The following KDM4D variants were observed in gnomAD, a reference collection of about 807,000 sequenced individuals.
The protein encoded by KDM4D is lysine-specific demethylase 4D.
For missense variants in KDM4D, 427 were observed against 674.8 expected (o/e 0.63, Z 4.07); for synonymous variants, 254 against 249.1 (o/e 1.02, Z -0.19).
chr11:94,995,956 G>T (rs1857972457), intron 2 of KDM4D, among the ~76,000 whole-genome samples: 1 of 152,042 alleles, frequency 6.6e-6, no homozygotes, highest in South Asian at 2.1e-4. Flanking sequence ...TTCCTGTCAT[G>T]CTAGATTGGT....
rs1857988039 is a variant in KDM4D at position 94,997,824 on chromosome 11, A to G, written c.452A>G (p.Gln151Arg). 6.2e-7 allele frequency: 1 copy of G among 1,614,144 alleles called. No homozygotes were observed. Among genetic ancestry groups the G allele is most frequent in the African/African-American group, 1.3e-5 (1 of 74,948 alleles). Reference protein sequence around the residue: ...SGSLFDENTKQWNLGHLGTIQ... With the variant: ...SGSLFDENTKRWNLGHLGTIQ... ...TCCTTGTTTGATGAAAACACTAAAC[A>G]ATGGAATCTTGGGCACCTGGGAACA... is the stretch of plus-strand genomic sequence containing the variant. The change falls in exon 3 of 3, where the codon CAA becomes CGA. Residue 151 changes from glutamine to arginine, a missense_variant. Transcript: ENST00000335080.
At chr11:94,995,354 CTAAA>C (rs1404596694) in intron 2 of KDM4D, among the ~76,000 whole-genome samples, 4 of 152,088 alleles carry the variant, frequency 2.6e-5, no homozygotes, top group African/African-American at 4.8e-5. Flanking sequence ...AGGGGTCTGT[CTAAA>C]TGAAGTGCTA....
chr11:94,993,782 CATG>C (rs1857955766), intron 2 of KDM4D, among the ~76,000 whole-genome samples: 1 of 152,062 alleles, frequency 6.6e-6, no homozygotes, highest in African/African-American at 2.4e-5. Context: ...AGACCCTCAG[CATG>C]ATATTTAAGT....
At chr11:94,978,475 C>T (rs1394180878) in intron 2 of KDM4D, among the ~76,000 whole-genome samples, 1 of 152,112 alleles carries the variant, frequency 6.6e-6, no homozygotes, top group Non-Finnish European at 1.5e-5. Context: ...TAGCCCTCTA[C>T]CAACAAAATC....
chr11:94,981,824 T>C (rs1456569933), intron 2 of KDM4D, among the ~76,000 whole-genome samples: 2 of 151,712 alleles, frequency 1.3e-5, no homozygotes, highest in African/African-American at 2.4e-5. Context: ...TATTGGCTTT[T>C]TATTTCATCA....
rs587636671 is a variant in KDM4D at position 94,998,710 on chromosome 11, G to A, written c.1338G>A (p.Pro446=). ...GTCCATCTGCACAGATTATCCACCC[G>A]TCAAATGGCAGACGTGGTCGTGGTC... ...TPGPSAQIIH[P]SNGRRGRGRP... is the part of the protein sequence containing the mutation. The change falls in exon 3 of 3, where the codon CCG becomes CCA. Residue 446 remains proline, a synonymous_variant. Coordinates refer to ENST00000335080, the MANE Select transcript of KDM4D (RefSeq NM_018039.3). The surrounding 1 kb of genome is among the most constrained non-coding windows in gnomAD (Gnocchi z 6.7). 55 of 1,614,168 alleles carry A rather than the reference G, an allele frequency of 3.4e-5. 1 individual carries two copies. In the Middle Eastern group the frequency reaches 2.5e-3, roughly 73 times the overall value.
At position 94,998,689 on chromosome 11, in the gene KDM4D, A is replaced by C; in HGVS notation, c.1317A>C (p.Pro439=). 6.2e-7 allele frequency: 1 copy of C among 1,614,178 alleles called. No homozygotes were observed. The highest frequency in any genetic ancestry group is 8.5e-7 in the Non-Finnish European group (1 of 1,180,030). The change falls in exon 3 of 3, where the codon CCA becomes CCC. Residue 439 remains proline (P), a synonymous_variant. Coordinates refer to ENST00000335080, the MANE Select transcript of KDM4D (RefSeq NM_018039.3). The surrounding 1 kb of genome is among the most constrained non-coding windows in gnomAD (Gnocchi z 6.7). ...PSSTPSSTPG[P]SAQIIHPSNG... ...CAACTCCATCATCCACCCCTGGTCC[A>C]TCTGCACAGATTATCCACCCGTCAA...
At chr11:94,981,473 C>G (rs781978152) in intron 2 of KDM4D, among the ~76,000 whole-genome samples, 16 of 151,676 alleles carry the variant, frequency 1.1e-4, no homozygotes, top group Admixed American at 1.0e-3. Flanking sequence ...ATCTGGGCCT[C>G]GAGTATATTT....
At chr11:94,992,897 T>G (rs1857947124) in intron 2 of KDM4D, among the ~76,000 whole-genome samples, 1 of 152,174 alleles carries the variant, frequency 6.6e-6, no homozygotes, top group Admixed American at 6.5e-5. Flanking sequence ...AAGTAGTAGA[T>G]TTTCTAACTG....
At chr11:94,977,190 GTAAAC>G (rs1555097079) in intron 2 of KDM4D, among the ~76,000 whole-genome samples, 1 of 152,076 alleles carries the variant, frequency 6.6e-6, no homozygotes, top group African/African-American at 2.4e-5. Flanking sequence ...GAAAATGAAA[GTAAAC>G]TAAAAATGGA....
intron 2 of KDM4D, among the ~76,000 whole-genome samples, chr11:94,983,509 G>C (rs782393867): frequency 7.9e-5 from 12 of 152,022 alleles, no homozygotes; most frequent in Admixed American, 5.2e-4. Flanking sequence ...GTAAATGGAG[G>C]TGGTGTGCTG....
rs760117355 is a variant in KDM4D at position 94,998,295 on chromosome 11, C to G, written c.923C>G (p.Ser308Cys). ...TGGATTGATTATGGCAAAATGGCCT[C>G]CCAGTGTAGCTGTGGGGAGGCAAGG... ...PRWIDYGKMA[S>C]QCSCGEARVT... The change falls in exon 3 of 3, where the codon TCC becomes TGC. Residue 308 changes from serine (S) to cysteine (C), a missense_variant. Physicochemically the swap from Ser to Cys is moderately radical, Grantham distance 112. Transcript: ENST00000335080. The surrounding 1 kb of genome is among the most constrained non-coding windows in gnomAD (Gnocchi z 6.7). 7 of 1,614,208 alleles carry G rather than the reference C, an allele frequency of 4.3e-6. No homozygotes were observed. Among genetic ancestry groups the G allele is most frequent in the Non-Finnish European group, 5.9e-6 (7 of 1,180,044 alleles).
At chr11:94,975,200 G>A (rs78793330) in intron 1 of KDM4D, among the ~76,000 whole-genome samples, 4,232 of 152,220 alleles carry the variant, frequency 0.028, 188 homozygotes, top group African/African-American at 0.097. Flanking sequence ...TCATGTCTCA[G>A]GTATCACAGT....
intron 2 of KDM4D, among the ~76,000 whole-genome samples, chr11:94,993,513 GT>G (rs201151130): frequency 0.26 from 37,504 of 141,924 alleles, 5,533 homozygotes; most frequent in East Asian, 0.67. Context: ...ATTCTAAGCA[GT>G]TTTTTTTTTT....
chr11:94,978,748 G>A (rs1555097262), intron 2 of KDM4D, among the ~76,000 whole-genome samples: 1 of 152,124 alleles, frequency 6.6e-6, no homozygotes, highest in African/African-American at 2.4e-5. Context: ...AGACATGCCA[G>A]GCAAATTCTA....
In KDM4D at chr11:94,997,604, G is replaced by A. The variant is rs1555099357; in HGVS notation, c.232G>A (p.Val78Met). 6.2e-7 allele frequency: 1 copy of A among 1,613,738 alleles called. No individual in the cohort carries two copies. The highest frequency in any genetic ancestry group is 8.5e-7 in the Non-Finnish European group (1 of 1,179,886). The change falls in exon 3 of 3, where the codon GTG (valine) becomes ATG (methionine). Residue 78 changes from valine (V) to methionine (M), a missense_variant. Physicochemically the swap from Val to Met is conservative, Grantham distance 21 (BLOSUM62 1). Coordinates refer to ENST00000335080, the MANE Select transcript of KDM4D (RefSeq NM_018039.3). ...CTTAATAGCCACTCCCCTCCAGCAGGTGGCCTCTGGGCGGGCAGGGGTGTT... is the reference window on the plus strand; with the variant it reads ...CTTAATAGCCACTCCCCTCCAGCAGATGGCCTCTGGGCGGGCAGGGGTGTT... ...EILIATPLQQ[V>M]ASGRAGVFTQ...
At position 94,998,970 on chromosome 11, in the gene KDM4D, C is replaced by G; in HGVS notation, c.*26C>G. 2 of 1,486,100 alleles carry G rather than the reference C, an allele frequency of 1.3e-6. No individual in the cohort carries two copies. Among genetic ancestry groups the G allele is most frequent in the Non-Finnish European group, 1.8e-6 (2 of 1,116,816 alleles). The allele number at this position is 1,486,100 out of a possible 1,614,324, so 92.1% of individuals were successfully genotyped here. A position where few individuals can be genotyped will look rare whatever the true frequency, so the allele number is the denominator to read the frequency against. On this transcript the variant is annotated 3_prime_UTR_variant, in exon 3 of 3. Coordinates refer to ENST00000335080, the MANE Select transcript of KDM4D (RefSeq NM_018039.3). This position sits in a 1 kb window ranked among gnomAD's most constrained non-coding sequence, Gnocchi z 6.7. ...GTCCACGGGCTGTCTTTATATCCCA[C>G]TGCCCTGCTGTGTGACAGTTTGATG... is the stretch of plus-strand genomic sequence containing the variant.
At chr11:94,981,239 G>A (rs587629121) in intron 2 of KDM4D, among the ~76,000 whole-genome samples, 13 of 152,176 alleles carry the variant, frequency 8.5e-5, no homozygotes, top group African/African-American at 3.1e-4. Context: ...TCTAGGTCAT[G>A]ATGTATATAT....
At chr11:94,983,037 C>A (rs1555097742) in intron 2 of KDM4D, among the ~76,000 whole-genome samples, 2 of 151,820 alleles carry the variant, frequency 1.3e-5, no homozygotes, top group African/African-American at 4.8e-5. Flanking sequence ...TATAAATATA[C>A]CCAAGATAAT....
Sources: gnomAD v4.1 joint callset for allele counts (sites outside exome capture counted in the v4.1 genomes callset) on GRCh38, gnomAD v4.1.1 for gene constraint, Gnocchi (gnomAD v3.1) non-coding constraint, MANE v1.5 for transcripts, NCBI Gene and HGNC (gene_info 2026-07-23, HGNC 2026-07-21) for gene names.